FOXP4: variants seen among roughly 807,000 people sequenced by gnomAD.
The protein encoded by FOXP4 is forkhead box P4.
A neutral mutation model predicts 82.6 loss-of-function variants in FOXP4; 25 were observed. The ratio of observed to expected loss-of-function variants is 0.30; its 90% confidence interval spans 0.22 to 0.42. The LOEUF is 0.42. Among genes scored for constraint, FOXP4 ranks in the 10% least tolerant of loss-of-function variants. The pLI, the probability that FOXP4 is intolerant of heterozygous loss-of-function variation, is 1.00. For missense variants in FOXP4, 785 were observed against 900.9 expected (o/e 0.87, Z 1.65); for synonymous variants, 415 against 388.2 (o/e 1.07, Z -0.81).
Position 41,600,865 on chromosome 6 carries a change from C to CT in FOXP4, c.*1930dup, listed in dbSNP as rs1767186822. 6.6e-6 allele frequency: 1 copy of CT among 152,344 alleles called. No homozygotes were observed. Among genetic ancestry groups the CT allele is most frequent in the Non-Finnish European group, 1.5e-5 (1 of 68,078 alleles). 9.4% of individuals were successfully genotyped at this position (152,344 alleles called of 1,614,324 possible). ...CCCTTCCACGCTTAAACAGGGTTCT[C>CT]TGTCATTTTCCTGTTTTCTTCCAGA... On this transcript the variant is annotated 3_prime_UTR_variant, in exon 17 of 17. Transcript: ENST00000307972.
At chr6:41,576,126 A>C (rs1765472907) in intron 2 of FOXP4, among the ~76,000 whole-genome samples, 1 of 148,290 alleles carries the variant, frequency 6.7e-6, no homozygotes, top group Non-Finnish European at 1.5e-5. Flanking sequence ...TTCTGAAGTG[A>C]ATCTGGAAGA....
chr6:41,572,309 C>T (rs1765245278), intron 2 of FOXP4, among the ~76,000 whole-genome samples: 1 of 151,830 alleles, frequency 6.6e-6, no homozygotes, highest in Admixed American at 6.5e-5. Flanking sequence ...ACCCTAGAGC[C>T]AGCCAGCCAG....
Position 41,593,441 on chromosome 6 carries a change from C to G in FOXP4, c.1537-1429C>G, listed in dbSNP as rs776411263. ...CCTCCCAAGGCCCGTGTTGTGGGCC[C>G]GTCCTTTTGTTTACGAAGCCCCTGC... is the stretch of plus-strand genomic sequence containing the variant. On this transcript the variant is annotated intron_variant, in intron 13 of 16. Transcript: ENST00000307972. The surrounding 1 kb of genome is among the most constrained non-coding windows in gnomAD (Gnocchi z 4.1). 1.7e-4 allele frequency among the ~76,000 whole-genome samples: 26 copies of G among 152,290 alleles called. No homozygotes were observed. Among genetic ancestry groups the G allele is most frequent in the Admixed American group, 3.9e-4 (6 of 15,304 alleles).
chr6:41,596,951 G>A (rs1766874784), intron 14 of FOXP4, among the ~76,000 whole-genome samples: 1 of 152,066 alleles, frequency 6.6e-6, no homozygotes, highest in South Asian at 2.1e-4. Context: ...CAAGCCCATC[G>A]CACCCACCTG....
In FOXP4 at chr6:41,593,835, C is replaced by T. The variant is rs1766658039; in HGVS notation, c.1537-1035C>T. 6.6e-6 allele frequency among the ~76,000 whole-genome samples: 1 copy of T among 152,216 alleles called. No homozygotes were observed. Among genetic ancestry groups the T allele is most frequent in the African/African-American group, 2.4e-5 (1 of 41,448 alleles). On this transcript the variant is annotated intron_variant, in intron 13 of 16. Coordinates refer to ENST00000307972, the MANE Select transcript of FOXP4 (RefSeq NM_001012426.2). The surrounding 1 kb of genome is among the most constrained non-coding windows in gnomAD (Gnocchi z 4.1). ...TTGGAAGGGAGAGAGGGAGAGGGAT[C>T]TCCAGGGGCACGGGCTGCCTGCCCT... is the stretch of plus-strand genomic sequence containing the variant.
intron 1 of FOXP4, among the ~76,000 whole-genome samples, chr6:41,557,778 CTA>C (rs925143960): frequency 6.6e-6 from 1 of 151,976 alleles, no homozygotes; most frequent in African/African-American, 2.4e-5. Context: ...TATGAGTACT[CTA>C]TTTTTTTTTC....
At chr6:41,574,622 C>G (rs1386441194) in intron 2 of FOXP4, among the ~76,000 whole-genome samples, 3 of 152,136 alleles carry the variant, frequency 2.0e-5, no homozygotes, top group African/African-American at 7.2e-5. Context: ...CAAGGAGGCC[C>G]CAGTCTGGTT....
At chr6:41,548,103 C>G (rs1234923351) in intron 1 of FOXP4, among the ~76,000 whole-genome samples, 1 of 152,200 alleles carries the variant, frequency 6.6e-6, no homozygotes, top group African/African-American at 2.4e-5. Flanking sequence ...GAACCCTGAG[C>G]CCAGAGCGCG....
At position 41,602,254 on chromosome 6, in the gene FOXP4, CT is replaced by C. The variant is rs1183468869; in HGVS notation, c.*3319del. The C allele has an allele frequency of 6.6e-6, 1 of 152,188 alleles. No homozygotes were observed. The highest frequency in any genetic ancestry group is 1.5e-5 in the Non-Finnish European group (1 of 68,028). 9.4% of individuals were successfully genotyped at this position (152,188 alleles called of 1,614,324 possible). ...CCAGATACTGTTTAAAAAAGTAGCA[CT>C]GATGTGTTTTGTAATCTGCCCCTCC... On this transcript the variant is annotated 3_prime_UTR_variant, in exon 17 of 17. Transcript: ENST00000307972.
chr6:41,575,714 C>T (rs1032974936), intron 2 of FOXP4, among the ~76,000 whole-genome samples: 2 of 150,914 alleles, frequency 1.3e-5, no homozygotes, highest in Middle Eastern at 3.4e-3. Context: ...CACCCCACCC[C>T]AGGAGACTGA....
In FOXP4 at chr6:41,587,867, C is replaced by A; in HGVS notation, c.947C>A (p.Thr316Asn). 2 of 1,565,912 alleles carry A rather than the reference C, an allele frequency of 1.3e-6. No individual in the cohort carries two copies. The highest frequency in any genetic ancestry group is 1.4e-5 in the African/African-American group (1 of 73,734). The change falls in exon 8 of 17, where the codon ACC becomes AAC. Residue 316 changes from threonine (T) to asparagine (N), a missense_variant. Physicochemically the swap from Thr to Asn is moderately conservative, Grantham distance 65. This residue lies in a region of FOXP4 where 570 missense variants were observed against 634.0 expected (regional missense o/e 0.90). Transcript: ENST00000307972. ...HGECKWPGCE[T>N]LCEDLGQFIK... ...GAGTGCAAGTGGCCAGGCTGTGAGA[C>A]CCTGTGTGAAGACCTGGGCCAGTTT...
intron 12 of FOXP4, among the ~76,000 whole-genome samples, chr6:41,590,744 C>T (rs1042574558): frequency 2.6e-5 from 4 of 152,160 alleles, no homozygotes; most frequent in East Asian, 1.9e-4. Context: ...GAACTTACAT[C>T]GACACATATG....
chr6:41,556,282 G>A (rs79441410), intron 1 of FOXP4, among the ~76,000 whole-genome samples: 2,826 of 151,868 alleles, frequency 0.019, 92 homozygotes, highest in African/African-American at 0.065. Flanking sequence ...GGGGAGAGAG[G>A]AGGGAGGGGC....
intron 2 of FOXP4, among the ~76,000 whole-genome samples, chr6:41,568,433 G>C (rs1174248005): frequency 6.6e-6 from 1 of 152,224 alleles, no homozygotes; most frequent in Non-Finnish European, 1.5e-5. Context: ...CAGCACACCT[G>C]CCCCTTTGCT....
chr6:41,588,500 C>A, intron 8 of FOXP4, 144 bp from the exon 9 acceptor site: 1 of 775,500 alleles, frequency 1.3e-6, no homozygotes, highest in Admixed American at 2.1e-5. Flanking sequence ...CTCCATTGCC[C>A]CGTTTTTCCA....
intron 2 of FOXP4, among the ~76,000 whole-genome samples, chr6:41,568,182 C>T (rs992757178): frequency 1.3e-5 from 2 of 152,098 alleles, no homozygotes; most frequent in Non-Finnish European, 2.9e-5. Flanking sequence ...AGAGCCTGGC[C>T]CTTTGGGTTC....
intron 12 of FOXP4, among the ~76,000 whole-genome samples, chr6:41,590,826 G>A (rs1766471985): frequency 6.6e-6 from 1 of 152,160 alleles, no homozygotes; most frequent in Non-Finnish European, 1.5e-5. Context: ...ACTGTGCTTA[G>A]GGTACCTTTT....
rs577890788 is a variant in FOXP4, at chr6:41,547,279, G to A, written c.-17+412G>A. Among the ~76,000 whole-genome samples, 14 of 152,246 alleles carry A rather than the reference G, an allele frequency of 9.2e-5. No homozygotes were observed. The East Asian group carries it at 2.5e-3, about 28-fold the overall frequency. ...CCCTCCCCGCCGGGCCTCTGGGAAT[G>A]GGGTGTACGGGGGCGCGACCCCCTC... On this transcript the variant is annotated intron_variant, in intron 1 of 16. Transcript: ENST00000307972.
chr6:41,598,280 G>C lies in FOXP4; in HGVS notation c.1895+330G>C, dbSNP rs369987806. On this transcript the variant is annotated intron_variant, in intron 16 of 16. Coordinates refer to ENST00000307972, the MANE Select transcript of FOXP4 (RefSeq NM_001012426.2). Reference sequence around the variant, plus strand: ...CACCCAGGCTGGAGTGTAATGGCAAGATCTTGGCTCACTGCAACCTCTGCC... The same window carrying C: ...CACCCAGGCTGGAGTGTAATGGCAACATCTTGGCTCACTGCAACCTCTGCC... Among the ~76,000 whole-genome samples, 17 of 145,438 alleles carry C rather than the reference G, an allele frequency of 1.2e-4. No homozygotes were observed. The East Asian group carries it at 2.3e-3, about 19-fold the overall frequency.
Sources: gnomAD v4.1 joint callset for allele counts (sites outside exome capture counted in the v4.1 genomes callset) on GRCh38, gnomAD v4.1.1 for gene constraint, gnomAD v4.1.1 regional missense constraint, Gnocchi (gnomAD v3.1) non-coding constraint, MANE v1.5 for transcripts, NCBI Gene and HGNC (gene_info 2026-07-23, HGNC 2026-07-21) for gene names.